The following CRIM1 variants were observed in gnomAD, a reference collection of about 807,000 sequenced individuals.
CRIM1 encodes cysteine rich transmembrane BMP regulator 1, also known as cysteine-rich motor neuron 1 protein.
A neutral mutation model predicts 116.4 loss-of-function variants in CRIM1; 32 were observed. That is an observed-to-expected ratio of 0.27 (90% CI 0.21 to 0.37). The LOEUF (loss-of-function observed/expected upper bound fraction) is 0.37. CRIM1 is among the 10% of genes least tolerant of loss of function. The pLI is 1.00. For synonymous variants in CRIM1, 590 were observed against 509.2 expected, an observed-to-expected ratio of 1.16 and a Z score of -2.13; for missense variants, 1,331 against 1,354.8, an observed-to-expected ratio of 0.98 and a Z score of 0.28.
At chr2:36,399,284 C>G (rs1043492517) in intron 2 of CRIM1, among the ~76,000 whole-genome samples, 1 of 152,178 alleles carries the variant, frequency 6.6e-6, no homozygotes, top group Non-Finnish European at 1.5e-5. Context: ...CAACATTAGG[C>G]AGACTTTGGT....
chr2:36,463,751 C>T (rs943447011), intron 4 of CRIM1, among the ~76,000 whole-genome samples: 3 of 152,080 alleles, frequency 2.0e-5, no homozygotes, highest in Admixed American at 6.5e-5. Context: ...GCAGCAGCAT[C>T]GAAGTTAGGG....
intron 5 of CRIM1, among the ~76,000 whole-genome samples, chr2:36,469,156 G>A (rs1572807584): frequency 6.6e-6 from 1 of 152,168 alleles, no homozygotes; most frequent in African/African-American, 2.4e-5. Context: ...CAGCACAAAA[G>A]AGGAAGAGTA....
At position 36,381,878 on chromosome 2, in the gene CRIM1, G is replaced by GA. The variant is rs1379820584; in HGVS notation, c.332-14735dup. ...TTTTAACATGCTCAGCCTTGGCAAAGATAGGGTCACTGGGGTTAGTGAAAG... is the reference window on the plus strand; with the variant it reads ...TTTTAACATGCTCAGCCTTGGCAAAGAATAGGGTCACTGGGGTTAGTGAAAG... On this transcript the variant is annotated intron_variant, in intron 1 of 16. Transcript: ENST00000280527. Among the ~76,000 whole-genome samples, 16 of 152,252 alleles carry GA rather than the reference G, an allele frequency of 1.1e-4. No homozygotes were observed. The East Asian group carries it at 3.1e-3, about 29-fold the overall frequency.
intron 5 of CRIM1, among the ~76,000 whole-genome samples, chr2:36,475,752 G>A (rs143852432): frequency 4.9e-4 from 74 of 152,224 alleles, no homozygotes; most frequent in Non-Finnish European, 6.5e-4. Context: ...AGGAAGTTCC[G>A]TTCTATTCCT....
intron 13 of CRIM1, chr2:36,529,225 C>A (rs1174963856): frequency 2.1e-6 from 1 of 471,094 alleles, no homozygotes; most frequent in East Asian, 6.9e-5. Context: ...GAGGGCCCAC[C>A]TGATAAGAAC....
At chr2:36,492,535 T>A (rs1234963630) in intron 7 of CRIM1, among the ~76,000 whole-genome samples, 1 of 152,178 alleles carries the variant, frequency 6.6e-6, no homozygotes, top group Non-Finnish European at 1.5e-5. Flanking sequence ...TTGGGAAAAT[T>A]TCATCTTCAC....
intron 2 of CRIM1, among the ~76,000 whole-genome samples, chr2:36,421,878 T>C (rs111912248): frequency 0.012 from 1,785 of 152,250 alleles, 45 homozygotes; most frequent in African/African-American, 0.041. Flanking sequence ...ATGCCTTTGG[T>C]AATGGCAAAC....
At chr2:36,435,485 CT>C (rs952560601) in intron 2 of CRIM1, among the ~76,000 whole-genome samples, 1 of 150,886 alleles carries the variant, frequency 6.6e-6, no homozygotes, top group Non-Finnish European at 1.5e-5. Flanking sequence ...TTTTTATCTT[CT>C]TTTTTTTTCC....
chr2:36,536,431 T>C (rs1288911693), intron 13 of CRIM1, among the ~76,000 whole-genome samples: 1 of 152,160 alleles, frequency 6.6e-6, no homozygotes, highest in Non-Finnish European at 1.5e-5. Flanking sequence ...ACACAAAATG[T>C]CCCCGGATTA....
chr2:36,500,741 G>A (rs1232956525), intron 8 of CRIM1, among the ~76,000 whole-genome samples: 1 of 152,188 alleles, frequency 6.6e-6, no homozygotes, highest in East Asian at 1.9e-4. Context: ...CCTGCAGAAT[G>A]ATGCTGAACA....
chr2:36,356,320 T>G lies in CRIM1; in HGVS notation c.28T>G (p.Leu10Val), dbSNP rs772729850. 3.2e-6 allele frequency: 5 copies of G among 1,568,770 alleles called. No homozygotes were observed. The South Asian group carries it at 4.7e-5, about 15-fold the overall frequency. MYLVAGDRG[L>V]AGCGHLLVSL... ...GTACTTGGTGGCGGGGGACAGGGGG[T>G]TGGCCGGCTGCGGGCACCTCCTGGT... Residue 10 changes from leucine to valine, a missense_variant, in exon 1 of 17, where the codon TTG (leucine) becomes GTG (valine). Transcript: ENST00000280527. The surrounding 1 kb of genome is among the most constrained non-coding windows in gnomAD (Gnocchi z 4.3).
At chr2:36,454,707 G>C (rs376055068) in intron 4 of CRIM1, among the ~76,000 whole-genome samples, 15 of 152,044 alleles carry the variant, frequency 9.9e-5, no homozygotes, top group Admixed American at 2.6e-4. Flanking sequence ...CATACTTCAC[G>C]TAAAAATCTG....
At chr2:36,480,754 C>T (rs563551831) in intron 7 of CRIM1, among the ~76,000 whole-genome samples, 1 of 152,272 alleles carries the variant, frequency 6.6e-6, no homozygotes, top group Non-Finnish European at 1.5e-5. Flanking sequence ...ATCACCGATT[C>T]CCTTGTCATT....
intron 13 of CRIM1, among the ~76,000 whole-genome samples, chr2:36,522,626 A>G (rs1572922698): frequency 6.6e-6 from 1 of 151,486 alleles, no homozygotes; most frequent in South Asian, 2.1e-4. Context: ...ACATGATGAA[A>G]CCCCGTCTCT....
intron 14 of CRIM1, among the ~76,000 whole-genome samples, chr2:36,544,165 C>T (rs1226001508): frequency 6.6e-6 from 1 of 152,158 alleles, no homozygotes; most frequent in East Asian, 1.9e-4. Flanking sequence ...AGAATTCTTT[C>T]ATCTTTTAAA....
rs1031585682 is a variant in CRIM1, at chr2:36,549,512, G to C, written c.*811G>C. 13 of 152,142 alleles carry C rather than the reference G, an allele frequency of 8.5e-5. No individual in the cohort carries two copies. The highest frequency in any genetic ancestry group is 5.9e-4 in the Admixed American group (9 of 15,240). The allele number at this position is 152,142 out of a possible 1,614,324, so 9.4% of individuals were successfully genotyped here. A position where few individuals can be genotyped will look rare whatever the true frequency, so the allele number is the denominator to read the frequency against. ...CAACGTGACAGGAAGAGGAGGGAGA[G>C]GGTGACGAACACCAGGCATTTCCAG... On this transcript the variant is annotated 3_prime_UTR_variant, in exon 17 of 17. Transcript: ENST00000280527.
chr2:36,500,203 C>A (rs1369564550), intron 8 of CRIM1, among the ~76,000 whole-genome samples: 1 of 152,062 alleles, frequency 6.6e-6, no homozygotes, highest in Non-Finnish European at 1.5e-5. Flanking sequence ...TGGTGGTATG[C>A]GCCAGTGGTC....
At chr2:36,395,492 C>T (rs536432099) in intron 1 of CRIM1, among the ~76,000 whole-genome samples, 1 of 152,152 alleles carries the variant, frequency 6.6e-6, no homozygotes, top group African/African-American at 2.4e-5. Context: ...TGTGAAAAAA[C>T]CCCATATAAT....
At chr2:36,363,794 C>T (rs972540112) in intron 1 of CRIM1, among the ~76,000 whole-genome samples, 2 of 152,148 alleles carry the variant, frequency 1.3e-5, no homozygotes, top group African/African-American at 2.4e-5. Context: ...TGAGTGTGCA[C>T]ACTGATGACC....
Sources: allele counts gnomAD v4.1 joint callset (sites outside exome capture counted in the v4.1 genomes callset), GRCh38; gene constraint gnomAD v4.1.1; non-coding constraint Gnocchi (gnomAD v3.1); transcripts MANE v1.5; gene names NCBI Gene and HGNC (gene_info 2026-07-23, HGNC 2026-07-21).